The following ACAT1 variants were observed in gnomAD, a reference collection of about 807,000 sequenced individuals.
ACAT1 encodes the protein acetyl-CoA acetyltransferase 1.
A neutral mutation model predicts 47.3 loss-of-function variants in ACAT1; 28 were observed. The observed-to-expected ratio is 0.59, with a 90% confidence interval of 0.44 to 0.81. ACAT1 has a LOEUF of 0.81. Among genes scored for constraint, ACAT1 ranks in the 30% least tolerant of loss-of-function variants. The pLI, the probability that ACAT1 is intolerant of heterozygous loss-of-function variation, is 0.00. For synonymous variants in ACAT1, 181 were observed against 173.6 expected (o/e 1.04, Z -0.34); for missense variants, 469 against 524.3 (o/e 0.89, Z 1.03).
At chr11:108,127,059 G>A (rs1202473931) in intron 1 of ACAT1, among the ~76,000 whole-genome samples, 4 of 151,450 alleles carry the variant, frequency 2.6e-5, no homozygotes, top group African/African-American at 7.3e-5. Context: ...CTCGTGATCC[G>A]CCCCCCTCGG....
intron 8 of ACAT1, among the ~76,000 whole-genome samples, chr11:108,142,223 T>C (rs764053767): frequency 2.2e-4 from 33 of 152,246 alleles, no homozygotes; most frequent in Non-Finnish European, 2.9e-5. Flanking sequence ...ATGTTTGTGA[T>C]GTTTGAGAAA....
At chr11:108,139,417 C>T (rs1233530243) in intron 6 of ACAT1, among the ~76,000 whole-genome samples, 4 of 151,676 alleles carry the variant, frequency 2.6e-5, no homozygotes, top group Non-Finnish European at 5.9e-5. Context: ...GTGGTGAGAC[C>T]CTGTCTCTAT....
intron 5 of ACAT1, among the ~76,000 whole-genome samples, chr11:108,137,666 T>A (rs1396181095): frequency 6.6e-6 from 1 of 152,132 alleles, no homozygotes; most frequent in African/African-American, 2.4e-5. Flanking sequence ...TTCAGGCCAG[T>A]CATGGTGGCT....
intron 5 of ACAT1, among the ~76,000 whole-genome samples, chr11:108,138,436 C>T (rs1591366878): frequency 6.7e-6 from 1 of 148,618 alleles, no homozygotes; most frequent in East Asian, 2.0e-4. Flanking sequence ...TTGCTCTGCC[C>T]CCCAGGCTGG....
intron 3 of ACAT1, 134 bp from the exon 4 acceptor site, chr11:108,134,087 A>C: frequency 8.7e-7 from 1 of 1,150,426 alleles, no homozygotes; most frequent in South Asian, 1.4e-5. Context: ...TGTACTATAC[A>C]GTTTAGATTG....
At chr11:108,127,032 G>C (rs977721043) in intron 1 of ACAT1, among the ~76,000 whole-genome samples, 1 of 151,790 alleles carries the variant, frequency 6.6e-6, no homozygotes, top group Non-Finnish European at 1.5e-5. Context: ...TGGCCAGGCT[G>C]GTCTGGAACT....
intron 7 of ACAT1, among the ~76,000 whole-genome samples, chr11:108,141,306 G>T (rs974465822): frequency 6.8e-6 from 1 of 146,482 alleles, no homozygotes; most frequent in Non-Finnish European, 1.5e-5. Context: ...GATCACATGG[G>T]CCTGGAGAGG....
chr11:108,132,334 C>T lies in ACAT1; in HGVS notation c.120+380C>T, dbSNP rs191415564. 5.9e-5 allele frequency among the ~76,000 whole-genome samples: 9 copies of T among 152,220 alleles called. No individual in the cohort carries two copies. In the East Asian group the frequency reaches 1.7e-3, roughly 29 times the overall value. On this transcript the variant is annotated intron_variant, in intron 2 of 11. Coordinates refer to ENST00000265838, the MANE Select transcript of ACAT1 (RefSeq NM_000019.4). ...ACAAGGAGGGCCATTACAGCATCTC[C>T]TAGGACCTTCTGAAGAGTCTCTGTT...
chr11:108,142,900 A>G (rs1320334826), intron 9 of ACAT1: 1 of 264,260 alleles, frequency 3.8e-6, no homozygotes, highest in Admixed American at 4.7e-5. Flanking sequence ...CTTGTTAGAT[A>G]TAGCCAACTC....
Position 108,137,761 on chromosome 11 carries a change from G to C in ACAT1, c.436-1137G>C, listed in dbSNP as rs142430375. 6.1e-3 allele frequency among the ~76,000 whole-genome samples: 928 copies of C among 151,994 alleles called. 6 individuals carry two copies. Among genetic ancestry groups the C allele is most frequent in the East Asian group, 9.8e-3 (50 of 5,114 alleles). On this transcript the variant is annotated intron_variant, in intron 5 of 11. Transcript: ENST00000265838. ...GTTTGAGACCGGCCTGGGTGATATA[G>C]TGAAACCCCATCTCTACTAAAAATA...
At chr11:108,139,810 GCCCCCA>G (rs2077550588) in intron 6 of ACAT1, among the ~76,000 whole-genome samples, 1 of 145,062 alleles carries the variant, frequency 6.9e-6, no homozygotes, top group Non-Finnish European at 1.5e-5. Flanking sequence ...ACAGGCACGT[GCCCCCA>G]TGCCCGGCTA....
upstream of ACAT1, among the ~76,000 whole-genome samples, chr11:108,116,833 T>C (rs2135274410): frequency 6.6e-6 from 1 of 152,172 alleles, no homozygotes; most frequent in East Asian, 1.9e-4. Context: ...TGGAACAGAC[T>C]CTCCGTTAGA....
chr11:108,116,798 A>G (rs1864959166), upstream of ACAT1, among the ~76,000 whole-genome samples: 1 of 152,090 alleles, frequency 6.6e-6, no homozygotes, highest in Non-Finnish European at 1.5e-5. Flanking sequence ...ATTTCCAACA[A>G]CCACCACGAT....
intron 1 of ACAT1, among the ~76,000 whole-genome samples, chr11:108,123,803 A>G (rs981937476): frequency 5.3e-5 from 8 of 152,106 alleles, no homozygotes; most frequent in Non-Finnish European, 1.0e-4. Context: ...GGTGTGAGCC[A>G]TTGTGCTCAG....
At chr11:108,145,807 G>A (rs1293808983) in intron 10 of ACAT1, among the ~76,000 whole-genome samples, 3 of 152,228 alleles carry the variant, frequency 2.0e-5, no homozygotes, top group Non-Finnish European at 2.9e-5. Flanking sequence ...CACTTTGGGA[G>A]GCTGAAGTGA....
intron 1 of ACAT1, among the ~76,000 whole-genome samples, chr11:108,130,639 G>A (rs1235099859): frequency 1.3e-5 from 2 of 152,032 alleles, no homozygotes; most frequent in Admixed American, 6.6e-5. Context: ...TGATCCACCC[G>A]CCTCGGCCTC....
upstream of ACAT1, among the ~76,000 whole-genome samples, chr11:108,118,613 G>C (rs563296379): frequency 1.6e-4 from 25 of 152,210 alleles, no homozygotes; most frequent in South Asian, 1.2e-3. Flanking sequence ...CTTGTGATCC[G>C]CCTGCCTTGG....
chr11:108,121,762 G>T (rs2077153803), intron 1 of ACAT1, 84 bp downstream of exon 1: 1 of 1,471,088 alleles, frequency 6.8e-7, no homozygotes. Flanking sequence ...CGGCCGTTGC[G>T]GCTCCCGCGG....
upstream of ACAT1, chr11:108,121,498 T>G: frequency 7.3e-6 from 9 of 1,238,402 alleles, no homozygotes; most frequent in Non-Finnish European, 1.0e-5. Context: ...GAGGCGACTA[T>G]TGGAGGAAGC....
Sources: gnomAD v4.1 joint callset for allele counts (sites outside exome capture counted in the v4.1 genomes callset) on GRCh38, gnomAD v4.1.1 for gene constraint, MANE v1.5 for transcripts, NCBI Gene and HGNC (gene_info 2026-07-23, HGNC 2026-07-21) for gene names.